TMEM51: variants seen among roughly 807,000 people sequenced by gnomAD.
The protein encoded by TMEM51 is chromosome 1 open reading frame 72.
TMEM51 carries 8 observed loss-of-function variants against 13.6 expected under a neutral mutation model. The ratio of observed to expected loss-of-function variants is 0.59; its 90% CI spans 0.35 to 1.07. TMEM51 has a LOEUF of 1.07. Ranked by LOEUF, TMEM51 falls within the 50% of genes least tolerant of loss-of-function variation. TMEM51 has a pLI of 0.02. For missense variants in TMEM51, 279 were observed against 330.7 expected (o/e 0.84, Z 1.21); for synonymous variants, 147 against 144.4 (o/e 1.02, Z -0.13).
intron 1 of TMEM51, chr1:15,168,901 G>A: frequency 9.0e-7 from 1 of 1,108,694 alleles, no homozygotes; most frequent in East Asian, 5.9e-5. Context: ...AGTTGGAGTG[G>A]GGAGCAACTA....
chr1:15,164,317 G>T (rs1410660764), intron 1 of TMEM51: 1 of 455,954 alleles, frequency 2.2e-6, no homozygotes, highest in East Asian at 6.9e-5. Flanking sequence ...TCTGAACTGT[G>T]ACACTTTCTC....
chr1:15,155,631 C>T (rs1642564954), intron 1 of TMEM51, among the ~76,000 whole-genome samples: 1 of 152,160 alleles, frequency 6.6e-6, no homozygotes. Context: ...TCGAACAGCA[C>T]AGGCAAAGGC....
chr1:15,200,065 C>A (rs1005900653), intron 1 of TMEM51, among the ~76,000 whole-genome samples: 4 of 152,076 alleles, frequency 2.6e-5, no homozygotes, highest in Non-Finnish European at 4.4e-5. Context: ...TTTGTTGAAG[C>A]CCCCTGTCCC....
chr1:15,183,772 C>A (rs150521020), intron 1 of TMEM51, among the ~76,000 whole-genome samples: 1 of 152,336 alleles, frequency 6.6e-6, no homozygotes, highest in Non-Finnish European at 1.5e-5. Flanking sequence ...GTGGTCATAG[C>A]TATGTCCAAA....
At chr1:15,186,914 A>G (rs888022356) in intron 1 of TMEM51, among the ~76,000 whole-genome samples, 3 of 152,148 alleles carry the variant, frequency 2.0e-5, no homozygotes, top group African/African-American at 7.2e-5. Context: ...GTCCTGAAGC[A>G]GGCCGGCTGC....
chr1:15,205,483 C>T (rs1293803610), intron 1 of TMEM51, among the ~76,000 whole-genome samples: 1 of 152,200 alleles, frequency 6.6e-6, no homozygotes, highest in Non-Finnish European at 1.5e-5. Flanking sequence ...CAAGGCCCTG[C>T]AGAGCTGCAT....
chr1:15,155,745 C>T (rs893106588), intron 1 of TMEM51, among the ~76,000 whole-genome samples: 1 of 152,114 alleles, frequency 6.6e-6, no homozygotes, highest in African/African-American at 2.4e-5. Context: ...GTGAGCTGGA[C>T]TGGACAGGTG....
At chr1:15,217,449 G>A (rs1310302665) in intron 3 of TMEM51, among the ~76,000 whole-genome samples, 1 of 152,098 alleles carries the variant, frequency 6.6e-6, no homozygotes, top group Non-Finnish European at 1.5e-5. Flanking sequence ...ATTGGTCAGG[G>A]TTCTCCAGAG....
At chr1:15,173,690 CACAA>C (rs201352629) in intron 1 of TMEM51, among the ~76,000 whole-genome samples, 8 of 143,558 alleles carry the variant, frequency 5.6e-5, no homozygotes, top group East Asian at 2.0e-4. Context: ...AAAAAAAAAA[CACAA>C]ACAAAATTCA....
Position 15,172,175 on chromosome 1 carries a change from A to G in TMEM51, c.-267+18221A>G, listed in dbSNP as rs568777304. Reference sequence around the variant, plus strand: ...GTGGATCGCTTGAGCCCAGGAGTGCAAGACCAGCCTGGGCAACATGGCAAA... The same window carrying G: ...GTGGATCGCTTGAGCCCAGGAGTGCGAGACCAGCCTGGGCAACATGGCAAA... On this transcript the variant is annotated intron_variant, in intron 1 of 3. Coordinates refer to ENST00000376008, the MANE Select transcript of TMEM51 (RefSeq NM_001136218.2). Among the ~76,000 whole-genome samples, 24 of 152,218 alleles carry G rather than the reference A, an allele frequency of 1.6e-4. 1 individual carries two copies. The highest frequency in any genetic ancestry group is 1.4e-3 in the Admixed American group (21 of 15,294).
chr1:15,199,761 C>T (rs1043887304), intron 1 of TMEM51, among the ~76,000 whole-genome samples: 1 of 152,170 alleles, frequency 6.6e-6, no homozygotes, highest in African/African-American at 2.4e-5. Flanking sequence ...TAACCCTCCA[C>T]GTGGATAACA....
At chr1:15,205,669 C>A (rs1399640636) in intron 1 of TMEM51, among the ~76,000 whole-genome samples, 2 of 152,180 alleles carry the variant, frequency 1.3e-5, no homozygotes, top group African/African-American at 4.8e-5. Flanking sequence ...AATTACTTTC[C>A]GTCTTGGAAC....
rs183355885 is a variant in TMEM51, at chr1:15,184,215, C to T, written c.-266-26275C>T. Among the ~76,000 whole-genome samples, 1,447 of 152,232 alleles carry T rather than the reference C, an allele frequency of 9.5e-3. 8 individuals are homozygous for T. The highest frequency in any genetic ancestry group is 0.017 in the Non-Finnish European group (1,170 of 68,012). The stretch of plus-strand genomic sequence containing the variant: ...ATAATATTTGTATTTTTAGTAGAGA[C>T]GGGGTTTCACCATGTTGGCCAGGAT... On this transcript the variant is annotated intron_variant, in intron 1 of 3. Coordinates refer to ENST00000376008, the MANE Select transcript of TMEM51 (RefSeq NM_001136218.2).
chr1:15,184,335 C>T (rs1299637091), intron 1 of TMEM51, among the ~76,000 whole-genome samples: 1 of 152,216 alleles, frequency 6.6e-6, no homozygotes. Flanking sequence ...TTGCCTTTCT[C>T]ACCAGCTCTC....
intron 2 of TMEM51, among the ~76,000 whole-genome samples, 167 bp downstream of exon 2, chr1:15,210,729 C>G (rs368569659): frequency 1.3e-5 from 2 of 152,218 alleles, no homozygotes; most frequent in African/African-American, 2.4e-5. Context: ...ACCAAGCCTA[C>G]TGTGTTTTAG....
rs1312793858 is a variant in TMEM51 at position 15,180,254 on chromosome 1, C to T, written c.-267+26300C>T. Among the ~76,000 whole-genome samples, 6 of 150,182 alleles carry T rather than the reference C, an allele frequency of 4.0e-5. No homozygotes were observed. The East Asian group carries it at 7.7e-4, about 19-fold the overall frequency. Reference sequence around the variant, plus strand: ...CTGTTTTTAAGCATAAACCTAATTGCGGTCAAAGTCTGGTCCCAGGGCTGT... The same window carrying T: ...CTGTTTTTAAGCATAAACCTAATTGTGGTCAAAGTCTGGTCCCAGGGCTGT... On this transcript the variant is annotated intron_variant, in intron 1 of 3. Transcript: ENST00000376008.
intron 2 of TMEM51, among the ~76,000 whole-genome samples, chr1:15,211,971 A>C (rs1644347955): frequency 1.3e-5 from 2 of 152,140 alleles, no homozygotes; most frequent in South Asian, 4.1e-4. Context: ...ATCACGCTGA[A>C]CACACTGTTG....
At position 15,161,393 on chromosome 1, in the gene TMEM51, C is replaced by G. The variant is rs981783971; in HGVS notation, c.-267+7439C>G. Reference sequence around the variant, plus strand: ...TGGTGGCAGGTGCCTGTAATCCCAGCTACTCAGGAGGCTGACCACAGGAAT... The same window carrying G: ...TGGTGGCAGGTGCCTGTAATCCCAGGTACTCAGGAGGCTGACCACAGGAAT... On this transcript the variant is annotated intron_variant, in intron 1 of 3. Transcript: ENST00000376008. The surrounding 1 kb of genome is among the most constrained non-coding windows in gnomAD (Gnocchi z 4.0). Among the ~76,000 whole-genome samples, 6 of 151,940 alleles carry G rather than the reference C, an allele frequency of 3.9e-5. No individual in the cohort carries two copies. Among genetic ancestry groups the G allele is most frequent in the African/African-American group, 1.5e-4 (6 of 41,308 alleles).
chr1:15,201,343 AAAC>A (rs1224630927), intron 1 of TMEM51, among the ~76,000 whole-genome samples: 3 of 151,596 alleles, frequency 2.0e-5, no homozygotes, highest in East Asian at 3.8e-4. Flanking sequence ...TTATAAATAA[AAAC>A]AAAACAGAAT....
Sources: gnomAD v4.1 joint callset for allele counts (sites outside exome capture counted in the v4.1 genomes callset) on GRCh38, gnomAD v4.1.1 for gene constraint, Gnocchi (gnomAD v3.1) non-coding constraint, MANE v1.5 for transcripts, NCBI Gene and HGNC (gene_info 2026-07-23, HGNC 2026-07-21) for gene names.